Variants in COL4A1 observed in about 807,000 individuals in gnomAD.
COL4A1 encodes collagen type IV alpha 1 chain, also known as collagen alpha-1(IV) chain.
A neutral mutation model predicts 216.6 loss-of-function variants in COL4A1; 40 were observed. The ratio of observed to expected loss-of-function variants is 0.18; its 90% CI spans 0.14 to 0.24. The LOEUF is 0.24. Ranked by LOEUF, COL4A1 falls within the 10% of genes least tolerant of loss-of-function variation. The pLI is 1.00. For missense variants in COL4A1, 1,628 were observed against 2,196.8 expected (o/e 0.74, Z 5.18); for synonymous variants, 839 against 810.7 (o/e 1.03, Z -0.59).
chr13:110,300,878 T>A (rs1196774185), intron 1 of COL4A1, among the ~76,000 whole-genome samples: 2 of 152,232 alleles, frequency 1.3e-5, no homozygotes, highest in Non-Finnish European at 2.9e-5. Flanking sequence ...CCAAGTGGCC[T>A]GGAAAAGATT....
intron 1 of COL4A1, among the ~76,000 whole-genome samples, chr13:110,294,818 T>G (rs749508086): frequency 2.1e-4 from 32 of 152,216 alleles, no homozygotes; most frequent in Non-Finnish European, 3.1e-4. Flanking sequence ...AAATAAATGC[T>G]GAGGGCAGCA....
At chr13:110,299,164 G>A (rs953612086) in intron 1 of COL4A1, among the ~76,000 whole-genome samples, 4 of 152,236 alleles carry the variant, frequency 2.6e-5, no homozygotes, top group Admixed American at 6.5e-5. Context: ...CTCAAAGTGA[G>A]TGCAAACTAA....
chr13:110,219,906 A>G (rs180702777), intron 2 of COL4A1, among the ~76,000 whole-genome samples: 10 of 139,948 alleles, frequency 7.1e-5, no homozygotes, highest in Non-Finnish European at 1.2e-4. Flanking sequence ...ATATATGTAT[A>G]TATATGTGTG....
chr13:110,181,367 G>C lies in COL4A1; in HGVS notation c.2118C>G (p.Asp706Glu). Residue 706 changes from aspartate (D) to glutamate (E), a missense_variant, in exon 29 of 52, where the codon GAC becomes GAG. Physicochemically the swap from Asp to Glu is conservative, Grantham distance 45. Coordinates refer to ENST00000375820, the MANE Select transcript of COL4A1 (RefSeq NM_001845.6). Reference protein sequence around the residue: ...GPKGVDGLPGDMGPPGTPGRP... With the variant: ...GPKGVDGLPGEMGPPGTPGRP... ...GACCTGGAGTCCCCGGTGGCCCCAT[G>C]TCTCCAGGTAAGCCGTCAACACCTG... The C allele has an allele frequency of 3.1e-6, 5 of 1,613,320 alleles. No individual in the cohort carries two copies. The highest frequency in any genetic ancestry group is 4.2e-6 in the Non-Finnish European group (5 of 1,179,786).
At chr13:110,179,168 G>C in intron 30 of COL4A1, 103 bp downstream of exon 30, 1 of 1,573,502 alleles carries the variant, frequency 6.4e-7, no homozygotes, top group Non-Finnish European at 8.7e-7. Context: ...TGCATCGTTC[G>C]TTCAACAAAT....
intron 1 of COL4A1, among the ~76,000 whole-genome samples, chr13:110,284,163 A>T (rs1364001518): frequency 6.6e-6 from 1 of 152,176 alleles, no homozygotes; most frequent in Non-Finnish European, 1.5e-5. Flanking sequence ...GTGCTCCCCC[A>T]GGTAGAATCA....
At chr13:110,276,320 G>T (rs754302198) in intron 1 of COL4A1, among the ~76,000 whole-genome samples, 12 of 152,160 alleles carry the variant, frequency 7.9e-5, no homozygotes, top group Non-Finnish European at 1.6e-4. Flanking sequence ...CTGCATAATT[G>T]TTTTATTGTT....
Position 110,206,667 on chromosome 13 carries a change from T to C in COL4A1, c.856A>G (p.Arg286Gly). The C allele has an allele frequency of 1.9e-6, 3 of 1,614,208 alleles. No individual in the cohort carries two copies. Among genetic ancestry groups the C allele is most frequent in the Non-Finnish European group, 2.5e-6 (3 of 1,180,008 alleles). Residue 286 changes from arginine (R) to glycine (G), a missense_variant and splice_region_variant, in exon 15 of 52, where the codon AGA (arginine) becomes GGA (glycine). Arg to Gly is a moderately radical substitution (Grantham distance 125). Coordinates refer to ENST00000375820, the MANE Select transcript of COL4A1 (RefSeq NM_001845.6). ...AAAGGACTTTGGAAAGCACTTACTC[T>C]GGGTCCTGGTTTTCCGGGTTCACCT... ...EKGEPGKPGP[R>G]GKPGKDGDKG...
intron 45 of COL4A1, among the ~76,000 whole-genome samples, chr13:110,165,929 G>C (rs1445198193): frequency 2.0e-5 from 3 of 152,114 alleles, no homozygotes; most frequent in African/African-American, 7.2e-5. Context: ...GTTGATTTCA[G>C]GCTAACTTGA....
chr13:110,193,846 C>T (rs917545831), intron 22 of COL4A1, among the ~76,000 whole-genome samples: 1 of 152,212 alleles, frequency 6.6e-6, no homozygotes, highest in African/African-American at 2.4e-5. Flanking sequence ...CGGTACAACA[C>T]AGCTGAGAAC....
Position 110,150,064 on chromosome 13 carries a change from T to G in COL4A1, c.*299A>C, listed in dbSNP as rs1876427658. On this transcript the variant is annotated 3_prime_UTR_variant, in exon 52 of 52. Transcript: ENST00000375820. The stretch of plus-strand genomic sequence containing the variant: ...CCACACCTCCTAGCACCCTTTGGTT[T>G]TCTGATGGAGTTCTCACTTCACACA... The G allele has an allele frequency of 2.3e-6, 1 of 427,152 alleles. No individual in the cohort carries two copies. Among genetic ancestry groups the G allele is most frequent in the African/African-American group, 2.0e-5 (1 of 49,372 alleles). The allele number at this position is 427,152 out of a possible 1,614,324, so 26.5% of individuals were successfully genotyped here. A position where few individuals can be genotyped will look rare whatever the true frequency, so the allele number is the denominator to read the frequency against.
At chr13:110,152,177 A>T (rs1876528702) in intron 51 of COL4A1, among the ~76,000 whole-genome samples, 157 bp downstream of exon 51, 1 of 152,150 alleles carries the variant, frequency 6.6e-6, no homozygotes, top group Admixed American at 6.5e-5. Flanking sequence ...TGCCTTTGAA[A>T]ATCGTCTCGG....
At chr13:110,197,260 T>A (rs371103987) in intron 21 of COL4A1, among the ~76,000 whole-genome samples, 9 of 136,452 alleles carry the variant, frequency 6.6e-5, no homozygotes, top group African/African-American at 2.4e-4. Flanking sequence ...AGTTTATCCC[T>A]GGACTTATCA....
chr13:110,261,473 G>A (rs796712049), intron 1 of COL4A1, among the ~76,000 whole-genome samples: 6 of 152,356 alleles, frequency 3.9e-5, no homozygotes, highest in African/African-American at 1.4e-4. Flanking sequence ...AAACCCCAGT[G>A]CTGCTTCTGT....
intron 24 of COL4A1, among the ~76,000 whole-genome samples, chr13:110,190,147 T>C (rs1878566566): frequency 1.3e-5 from 2 of 152,162 alleles, no homozygotes; most frequent in East Asian, 1.9e-4. Flanking sequence ...CATCATTCTA[T>C]TTACGGGAGA....
intron 49 of COL4A1, 34 bp downstream of exon 49, chr13:110,161,156 CAA>C (rs1394700952): frequency 6.2e-7 from 1 of 1,607,358 alleles, no homozygotes; most frequent in Admixed American, 1.7e-5. Flanking sequence ...TTTTCCTCTT[CAA>C]TTTTGCATTT....
chr13:110,267,270 A>G (rs1047762581), intron 1 of COL4A1, among the ~76,000 whole-genome samples: 1 of 152,218 alleles, frequency 6.6e-6, no homozygotes, highest in Non-Finnish European at 1.5e-5. Context: ...CAGTGGAGGG[A>G]GGAGGGGCAG....
intron 2 of COL4A1, among the ~76,000 whole-genome samples, chr13:110,229,002 G>A (rs1234620281): frequency 6.6e-6 from 1 of 152,166 alleles, no homozygotes; most frequent in Non-Finnish European, 1.5e-5. Context: ...GATGGCATTG[G>A]GGATTCCACA....
chr13:110,156,367 G>A (rs754294438), intron 49 of COL4A1, among the ~76,000 whole-genome samples: 3 of 152,368 alleles, frequency 2.0e-5, no homozygotes, highest in South Asian at 2.1e-4. Flanking sequence ...TGCACTTAGT[G>A]AGTTGAGTAA....
Sources: allele counts gnomAD v4.1 joint callset (sites outside exome capture counted in the v4.1 genomes callset), GRCh38; gene constraint gnomAD v4.1.1; transcripts MANE v1.5; gene names NCBI Gene and HGNC (gene_info 2026-07-23, HGNC 2026-07-21).